SUV39H2: variants seen among roughly 807,000 people sequenced by gnomAD.
SUV39H2 encodes the protein histone-lysine N-methyltransferase SUV39H2.
Under a neutral mutation model 47.5 loss-of-function variants are expected in SUV39H2, and 10 were observed. That is an observed-to-expected ratio of 0.21 (90% CI 0.13 to 0.36). The LOEUF (loss-of-function observed/expected upper bound fraction) is 0.36. Among genes scored for constraint, SUV39H2 ranks in the 10% least tolerant of loss-of-function variants. SUV39H2 has a pLI of 1.00. For synonymous variants in SUV39H2, 159 were observed against 166.8 expected (o/e 0.95, Z 0.36); for missense variants, 266 against 487.4 (o/e 0.55, Z 4.28).
At chr10:14,901,044 A>C in intron 4 of SUV39H2, 89 bp from the exon 5 acceptor site, 1 of 1,504,812 alleles carries the variant, frequency 6.6e-7, no homozygotes, top group Non-Finnish European at 9.0e-7. Flanking sequence ...CTTAAACTAA[A>C]TCTCTAGGAA....
At chr10:14,889,206 G>A (rs925388995) in intron 2 of SUV39H2, among the ~76,000 whole-genome samples, 3 of 152,200 alleles carry the variant, frequency 2.0e-5, no homozygotes, top group Admixed American at 6.5e-5. Flanking sequence ...GGGCTACATG[G>A]GTATAAGGGT....
Position 14,897,687 on chromosome 10 carries a change from TAAA to T in SUV39H2, c.849+174_849+176del, listed in dbSNP as rs971523561. On this transcript the variant is annotated intron_variant, in intron 3 of 5. Transcript: ENST00000354919. ...AAGAGTTCACTGGCATATTTAGAAA[TAAA>T]AAACTTTTATATGAATAAAAAATAT... 26 of 519,056 alleles carry T rather than the reference TAAA, an allele frequency of 5.0e-5. No homozygotes were observed. In the Admixed American group the frequency reaches 8.4e-4, roughly 17 times the overall value. 32.2% of individuals were successfully genotyped at this position (519,056 alleles called of 1,614,324 possible). A position where few individuals can be genotyped will look rare whatever the true frequency, so the allele number is the denominator to read the frequency against.
At chr10:14,890,349 C>T (rs535950045) in intron 2 of SUV39H2, among the ~76,000 whole-genome samples, 1 of 152,272 alleles carries the variant, frequency 6.6e-6, no homozygotes, top group Non-Finnish European at 1.5e-5. Context: ...TATAATAGTT[C>T]TCAGACTATG....
At chr10:14,881,762 G>A (rs1833045036) in intron 2 of SUV39H2, 117 bp downstream of exon 2, 2 of 977,252 alleles carry the variant, frequency 2.0e-6, no homozygotes, top group Admixed American at 3.1e-5. Context: ...AAATTCTAAG[G>A]CATGATAAAT....
intron 2 of SUV39H2, among the ~76,000 whole-genome samples, chr10:14,886,469 A>G (rs1186919223): frequency 2.0e-5 from 3 of 152,246 alleles, no homozygotes; most frequent in Non-Finnish European, 4.4e-5. Context: ...TTTGAGGGCC[A>G]GGACTATGTC....
At chr10:14,886,344 A>T (rs1432766373) in intron 2 of SUV39H2, among the ~76,000 whole-genome samples, 1 of 152,244 alleles carries the variant, frequency 6.6e-6, no homozygotes, top group African/African-American at 2.4e-5. Context: ...ACCTCCAGCA[A>T]AATTAGTTGA....
chr10:14,891,661 G>A (rs1327764816), intron 2 of SUV39H2, among the ~76,000 whole-genome samples: 1 of 152,156 alleles, frequency 6.6e-6, no homozygotes, highest in Non-Finnish European at 1.5e-5. Context: ...GGATTGAGGA[G>A]AAGAAGGAAT....
chr10:14,883,244 T>C (rs1588833717), intron 2 of SUV39H2, among the ~76,000 whole-genome samples: 1 of 152,190 alleles, frequency 6.6e-6, no homozygotes, highest in Non-Finnish European at 1.5e-5. Context: ...AGTAAACACA[T>C]TCAGATCTTC....
chr10:14,896,250 G>A (rs942506763), intron 2 of SUV39H2, among the ~76,000 whole-genome samples: 3 of 152,090 alleles, frequency 2.0e-5, no homozygotes, highest in African/African-American at 7.2e-5. Context: ...GCCTCAGTGT[G>A]TATTATATTT....
Position 14,903,331 on chromosome 10 carries a change from T to C in SUV39H2, c.*819T>C, listed in dbSNP as rs1045866290. ...ACTTTAAGGGCGCCTGTTAGTAACA[T>C]GAATTGGAAATCTGTGTCGAGTACC... On this transcript the variant is annotated 3_prime_UTR_variant, in exon 6 of 6. Coordinates refer to ENST00000354919, the MANE Select transcript of SUV39H2 (RefSeq NM_001193424.2). 1.3e-5 allele frequency: 2 copies of C among 152,148 alleles called. No homozygotes were observed. The highest frequency in any genetic ancestry group is 2.9e-5 in the Non-Finnish European group (2 of 68,032). The allele number at this position is 152,148 out of a possible 1,614,324, so 9.4% of individuals were successfully genotyped here.
intron 2 of SUV39H2, among the ~76,000 whole-genome samples, chr10:14,891,110 T>C (rs1469795947): frequency 6.6e-6 from 1 of 152,216 alleles, no homozygotes; most frequent in Admixed American, 6.5e-5. Flanking sequence ...TCAGTTCTTC[T>C]TGGGTATGAG....
At chr10:14,880,038 A>C (rs1012438418) in intron 1 of SUV39H2, 1 of 150,810 alleles carries the variant, frequency 6.6e-6, no homozygotes, top group Non-Finnish European at 1.5e-5. Context: ...GATAAGAGGA[A>C]CCTCCTTTAT....
At chr10:14,892,506 C>T (rs1564338928) in intron 2 of SUV39H2, among the ~76,000 whole-genome samples, 1 of 152,188 alleles carries the variant, frequency 6.6e-6, no homozygotes, top group Non-Finnish European at 1.5e-5. Flanking sequence ...CTTTTGCCCA[C>T]GTTTTTCATC....
chr10:14,893,056 G>A (rs1391241008), intron 2 of SUV39H2, among the ~76,000 whole-genome samples: 4 of 141,464 alleles, frequency 2.8e-5, no homozygotes, highest in Non-Finnish European at 6.0e-5. Context: ...AGGCTGGAGT[G>A]CAGTGGCGCA....
Position 14,881,421 on chromosome 10 carries a change from A to G in SUV39H2, c.32-79A>G. 2.5e-6 allele frequency: 3 copies of G among 1,211,668 alleles called. No individual in the cohort carries two copies. The South Asian group carries it at 9.5e-5, about 38-fold the overall frequency. The allele number at this position is 1,211,668 out of a possible 1,614,324, so 75.1% of individuals were successfully genotyped here. A position where few individuals can be genotyped will look rare whatever the true frequency, so the allele number is the denominator to read the frequency against. ...AAAATTGCCAGTTGAAAGATGGGGA[A>G]TAGAGGTTTTAAGTTTCTCTTTTTT... is the stretch of plus-strand genomic sequence containing the variant. On this transcript the variant is annotated intron_variant, in intron 1 of 5. Transcript: ENST00000354919.
intron 2 of SUV39H2, among the ~76,000 whole-genome samples, chr10:14,890,153 A>G (rs1442870206): frequency 1.3e-5 from 2 of 152,244 alleles, no homozygotes; most frequent in African/African-American, 2.4e-5. Flanking sequence ...TAGAGTGGTT[A>G]AGAACTAGAA....
chr10:14,898,927 T>C, intron 3 of SUV39H2: 1 of 345,430 alleles, frequency 2.9e-6, no homozygotes, highest in Non-Finnish European at 5.2e-6. Context: ...GATTTAGTCC[T>C]TAACATTCAG....
chr10:14,891,160 G>A lies in SUV39H2; in HGVS notation c.178-5686G>A, dbSNP rs576098056. On this transcript the variant is annotated intron_variant, in intron 2 of 5. Transcript: ENST00000354919. ...TCATAGAAGAGGTGATATTTACACCGTTTTAAAAGATGAGATGAGCATTCA... is the reference window on the plus strand; with the variant it reads ...TCATAGAAGAGGTGATATTTACACCATTTTAAAAGATGAGATGAGCATTCA... Among the ~76,000 whole-genome samples the A allele has an allele frequency of 3.3e-5, 5 of 152,330 alleles. 1 individual carries two copies. The highest frequency in any genetic ancestry group is 1.9e-4 in the East Asian group (1 of 5,186).
intron 2 of SUV39H2, among the ~76,000 whole-genome samples, chr10:14,896,214 A>G (rs989388609): frequency 6.6e-6 from 1 of 152,150 alleles, no homozygotes; most frequent in African/African-American, 2.4e-5. Context: ...AAATGCTGGG[A>G]TTACAGGCAT....
Sources: gnomAD v4.1 joint callset for allele counts (sites outside exome capture counted in the v4.1 genomes callset) on GRCh38, gnomAD v4.1.1 for gene constraint, MANE v1.5 for transcripts, NCBI Gene and HGNC (gene_info 2026-07-23, HGNC 2026-07-21) for gene names.